The following SCUBE2 variants were observed in gnomAD, a reference collection of about 807,000 sequenced individuals.
SCUBE2 encodes signal peptide, CUB and EGF-like domain-containing protein 2.
Under a neutral mutation model 125.9 loss-of-function variants are expected in SCUBE2, and 114 were observed. The observed-to-expected ratio is 0.91, with a 90% CI of 0.78 to 1.06. The LOEUF (loss-of-function observed/expected upper bound fraction) is 1.06, where lower values mean the gene tolerates loss of function less well. Among genes scored for constraint, SCUBE2 ranks in the 50% least tolerant of loss-of-function variants. The pLI is 0.00. For missense variants in SCUBE2, 1,255 were observed against 1,301.8 expected, an observed-to-expected ratio of 0.96 and a Z score of 0.55; for synonymous variants, 459 against 492.9, an observed-to-expected ratio of 0.93 and a Z score of 0.91.
At chr11:9,030,664 C>A in intron 18 of SCUBE2, 94 bp downstream of exon 18, 1 of 1,313,406 alleles carries the variant, frequency 7.6e-7, no homozygotes. Context: ...TGGGGCACTG[C>A]ATCAGGCTGG....
At chr11:9,057,805 T>G (rs1163067244) in intron 9 of SCUBE2, among the ~76,000 whole-genome samples, 1 of 152,162 alleles carries the variant, frequency 6.6e-6, no homozygotes, top group South Asian at 2.1e-4. Context: ...AGTGCTGAGA[T>G]TACAGTGTGA....
chr11:9,023,730 T>C (rs779979609), intron 21 of SCUBE2, among the ~76,000 whole-genome samples: 16 of 152,216 alleles, frequency 1.1e-4, no homozygotes, highest in Non-Finnish European at 1.6e-4. Flanking sequence ...GTCAGTTCCT[T>C]AAATCTCTAA....
intron 4 of SCUBE2, among the ~76,000 whole-genome samples, chr11:9,070,731 C>T (rs1462183084): frequency 6.6e-6 from 1 of 152,226 alleles, no homozygotes; most frequent in African/African-American, 2.4e-5. Context: ...CCAGCTCCCA[C>T]TCCAGAGCTG....
At chr11:9,050,748 G>A in intron 13 of SCUBE2, 38 bp from the exon 14 acceptor site, 1 of 1,527,468 alleles carries the variant, frequency 6.5e-7, no homozygotes, top group Non-Finnish European at 9.1e-7. Flanking sequence ...TACCTTCAGA[G>A]GCAAAGGAAT....
At chr11:9,076,039 G>A (rs1044312936) in intron 3 of SCUBE2, among the ~76,000 whole-genome samples, 1 of 152,258 alleles carries the variant, frequency 6.6e-6, no homozygotes, top group Non-Finnish European at 1.5e-5. Flanking sequence ...CCAGTAGGCA[G>A]TGGCAAACCT....
intron 17 of SCUBE2, among the ~76,000 whole-genome samples, chr11:9,031,836 CCT>C (rs1446925815): frequency 1.3e-5 from 2 of 151,698 alleles, no homozygotes; most frequent in Admixed American, 1.3e-4. Context: ...AATCATCTCT[CCT>C]CTATTAATCA....
chr11:9,065,838 G>C, intron 7 of SCUBE2, 53 bp downstream of exon 7: 2 of 1,482,694 alleles, frequency 1.3e-6, no homozygotes, highest in Non-Finnish European at 1.9e-6. Context: ...CAATAAGTTG[G>C]GGAGGGAAAA....
chr11:9,066,703 A>G lies in SCUBE2; in HGVS notation c.754T>C (p.Cys252Arg). The G allele has an allele frequency of 6.2e-7, 1 of 1,613,908 alleles. No homozygotes were observed. Among genetic ancestry groups the G allele is most frequent in the African/African-American group, 1.3e-5 (1 of 75,068 alleles). Residue 252 changes from cysteine to arginine, a missense_variant, in exon 6 of 23, where the codon TGC becomes CGC. Transcript: ENST00000649792. ...QYKMHTDGRSCLEREDTVLEV... is the reference protein window; with the variant it reads ...QYKMHTDGRSRLEREDTVLEV... ...TGTTGGGGTTGCCACTCACCAAGGC[A>G]GCTCCTCCCATCTGTGTGCATCTTG...
intron 14 of SCUBE2, 86 bp downstream of exon 14, chr11:9,050,520 G>C: frequency 1.0e-6 from 1 of 998,140 alleles, no homozygotes; most frequent in Non-Finnish European, 1.6e-6. Flanking sequence ...GACAGCCCCT[G>C]GCCCCCATGG....
At position 9,091,267 on chromosome 11, in the gene SCUBE2, A is replaced by G; in HGVS notation, c.133+129T>C. 1.7e-6 allele frequency: 1 copy of G among 589,682 alleles called. No homozygotes were observed. The highest frequency in any genetic ancestry group is 2.4e-6 in the Non-Finnish European group (1 of 416,260). 36.5% of individuals were successfully genotyped at this position (589,682 alleles called of 1,614,324 possible). A position where few individuals can be genotyped will look rare whatever the true frequency, so the allele number is the denominator to read the frequency against. On this transcript the variant is annotated intron_variant, in intron 1 of 22. Coordinates refer to ENST00000649792, the MANE Select transcript of SCUBE2 (RefSeq NM_001367977.2). This position sits in a 1 kb window ranked among gnomAD's most constrained non-coding sequence, Gnocchi z 8.5. ...GCGGGTGAGGTCCCGGGGGGAGCAG[A>G]GGCCCCCGCGGAGCTGCAGCCGCCA...
chr11:9,029,892 T>C lies in SCUBE2; in HGVS notation c.2495A>G (p.Gln832Arg). Residue 832 changes from glutamine to arginine, a missense_variant, in exon 19 of 23, where the codon CAG becomes CGG. By Grantham distance (43) the Gln-to-Arg change is conservative. This residue lies in a region of SCUBE2 where 515 missense variants were observed against 515.7 expected (regional missense o/e 1.00). Coordinates refer to ENST00000649792, the MANE Select transcript of SCUBE2 (RefSeq NM_001367977.2). ...TDFDGSTNIT[Q>R]CKNRRCGGEL... ...CTTAGAGAGGGACCTACTTTTACAC[T>C]GGGTTATGTTTGTGGAGCCATCAAA... 6.2e-7 allele frequency: 1 copy of C among 1,614,176 alleles called. No homozygotes were observed. The highest frequency in any genetic ancestry group is 1.1e-5 in the South Asian group (1 of 91,084).
At chr11:9,027,294 G>C (rs1855852219) in intron 20 of SCUBE2, 70 bp downstream of exon 20, 2 of 1,476,194 alleles carry the variant, frequency 1.4e-6, no homozygotes, top group African/African-American at 2.8e-5. Flanking sequence ...TCCTCACATT[G>C]AAAGCCTGAG....
At chr11:9,074,281 T>C (rs879826400) in intron 4 of SCUBE2, among the ~76,000 whole-genome samples, 200 bp downstream of exon 4, 4 of 152,220 alleles carry the variant, frequency 2.6e-5, no homozygotes, top group Non-Finnish European at 4.4e-5. Flanking sequence ...CCCAGTCCAG[T>C]GCAACTATTT....
At chr11:9,054,725 A>ATATATATATATTTTTTT (rs1368153935) in intron 10 of SCUBE2, among the ~76,000 whole-genome samples, 3 of 22,346 alleles carry the variant, frequency 1.3e-4, no homozygotes, top group Non-Finnish European at 2.1e-4. Context: ...ATATATATAT[A>ATATATATATATTTTTTT]TTTTTTTTTT....
chr11:9,027,661 G>T, intron 19 of SCUBE2, 100 bp from the exon 20 acceptor site: 1 of 987,208 alleles, frequency 1.0e-6, no homozygotes, highest in Non-Finnish European at 1.5e-6. Context: ...TGCCACCCAG[G>T]AATGGGGCAT....
chr11:9,043,847 T>G (rs1566186354), intron 16 of SCUBE2, among the ~76,000 whole-genome samples: 1 of 150,758 alleles, frequency 6.6e-6, no homozygotes, highest in East Asian at 1.9e-4. Flanking sequence ...ATGAAAAGGA[T>G]CAATGATAAA....
chr11:9,052,045 G>C (rs1049940143), intron 13 of SCUBE2, among the ~76,000 whole-genome samples: 1 of 152,156 alleles, frequency 6.6e-6, no homozygotes, highest in Non-Finnish European at 1.5e-5. Flanking sequence ...CTGAGCCTCA[G>C]TTTCTTCATC....
chr11:9,053,554 G>A lies in SCUBE2; in HGVS notation c.1330+83C>T, dbSNP rs1858660424. On this transcript the variant is annotated intron_variant, in intron 11 of 22. Transcript: ENST00000649792. ...GAAGTCAGTGGAGGGACGGTCAGGT[G>A]GGATGTGGGAGCACGCAGAGCTGCA... is the stretch of plus-strand genomic sequence containing the variant. 36 of 1,508,918 alleles carry A rather than the reference G, an allele frequency of 2.4e-5. No individual in the cohort carries two copies. In the South Asian group the frequency reaches 4.2e-4, roughly 18 times the overall value. 93.5% of individuals were successfully genotyped at this position (1,508,918 alleles called of 1,614,324 possible).
At position 9,079,499 on chromosome 11, in the gene SCUBE2, T is replaced by C; in HGVS notation, c.267A>G (p.Glu89=). 1.9e-6 allele frequency: 3 copies of C among 1,613,632 alleles called. No individual in the cohort carries two copies. Among genetic ancestry groups the C allele is most frequent in the Non-Finnish European group, 2.5e-6 (3 of 1,179,804 alleles). ...AGCCTCCATTGAGCTCATTTCCACATTCATCGATGTCTGAGGAATAAAACA... is the reference window on the plus strand; with the variant it reads ...AGCCTCCATTGAGCTCATTTCCACACTCATCGATGTCTGAGGAATAAAACA... ...GEGRQCEDID[E]CGNELNGGCV... Residue 89 remains glutamate, a synonymous_variant, in exon 3 of 23, where the codon GAA becomes GAG. Coordinates refer to ENST00000649792, the MANE Select transcript of SCUBE2 (RefSeq NM_001367977.2).
Sources: allele counts gnomAD v4.1 joint callset (sites outside exome capture counted in the v4.1 genomes callset), GRCh38; gene constraint gnomAD v4.1.1; regional missense constraint gnomAD v4.1.1; non-coding constraint Gnocchi (gnomAD v3.1); transcripts MANE v1.5; gene names NCBI Gene and HGNC (gene_info 2026-07-23, HGNC 2026-07-21).